TMX3: variants seen among roughly 807,000 people sequenced by gnomAD.
TMX3 encodes the protein thioredoxin related transmembrane protein 3.
Under a neutral mutation model 64.4 loss-of-function variants are expected in TMX3, and 40 were observed. The observed-to-expected ratio is 0.62, with a 90% confidence interval of 0.48 to 0.81. The LOEUF (loss-of-function observed/expected upper bound fraction) is 0.81. Among genes scored for constraint, TMX3 ranks in the 30% least tolerant of loss-of-function variants. The pLI is 0.00. For missense variants in TMX3, 497 were observed against 534.5 expected (o/e 0.93, Z 0.69); for synonymous variants, 189 against 175.7 (o/e 1.08, Z -0.60).
chr18:68,709,026 G>A (rs1169406395), intron 4 of TMX3, among the ~76,000 whole-genome samples: 1 of 152,032 alleles, frequency 6.6e-6, no homozygotes, highest in African/African-American at 2.4e-5. Context: ...TATACATTAC[G>A]TACTTCCACT....
intron 15 of TMX3, 141 bp downstream of exon 15, chr18:68,679,322 C>T: frequency 1.9e-6 from 1 of 514,202 alleles, no homozygotes; most frequent in South Asian, 4.3e-5. Context: ...AATATATTTT[C>T]TTAAATACTG....
Position 68,674,387 on chromosome 18 carries a change from A to G in TMX3, c.*2546T>C, listed in dbSNP as rs1352950641. Reference sequence around the variant, plus strand: ...AAATGTCCTTAAATATTGTCTGAGCACCAAATTCTGCAAAAGCAAGGATCT... The same window carrying G: ...AAATGTCCTTAAATATTGTCTGAGCGCCAAATTCTGCAAAAGCAAGGATCT... On this transcript the variant is annotated 3_prime_UTR_variant, in exon 16 of 16. Transcript: ENST00000299608. The G allele has an allele frequency of 1.3e-5, 2 of 152,162 alleles. No individual in the cohort carries two copies. Among genetic ancestry groups the G allele is most frequent in the Non-Finnish European group, 2.9e-5 (2 of 68,004 alleles). The allele number at this position is 152,162 out of a possible 1,614,324, so 9.4% of individuals were successfully genotyped here.
intron 2 of TMX3, among the ~76,000 whole-genome samples, chr18:68,712,819 G>C (rs547362558): frequency 1.3e-5 from 2 of 151,992 alleles, no homozygotes; most frequent in East Asian, 3.9e-4. Flanking sequence ...CATGAGCAGC[G>C]AAGTGCCCCC....
chr18:68,711,976 C>A (rs763050240), intron 2 of TMX3, among the ~76,000 whole-genome samples: 15 of 152,182 alleles, frequency 9.9e-5, no homozygotes, highest in Non-Finnish European at 1.8e-4. Context: ...CTTTAACTGT[C>A]CCTTAAAATG....
chr18:68,681,997 G>C (rs1373299320), intron 13 of TMX3, among the ~76,000 whole-genome samples: 1 of 152,052 alleles, frequency 6.6e-6, no homozygotes, highest in Non-Finnish European at 1.5e-5. Flanking sequence ...CTTAATTATT[G>C]CCTCTTCCGG....
chr18:68,687,632 G>A (rs770168306), intron 10 of TMX3, 35 bp downstream of exon 10: 11 of 1,560,592 alleles, frequency 7.0e-6, no homozygotes, highest in Non-Finnish European at 9.5e-6. Flanking sequence ...GAAAAATCAT[G>A]TAACATAATG....
rs1400630121 is a variant in TMX3 at position 68,711,470 on chromosome 18, C to G, written c.102-67G>C. On this transcript the variant is annotated intron_variant, in intron 2 of 15. Coordinates refer to ENST00000299608, the MANE Select transcript of TMX3 (RefSeq NM_019022.5). ...CCACTTTACAACTGTATAGTATAGG[C>G]AGAGATAATACATTGATAAATATAA... 3 of 1,105,712 alleles carry G rather than the reference C, an allele frequency of 2.7e-6. No homozygotes were observed. In the African/African-American group the frequency reaches 4.8e-5, roughly 18 times the overall value. The allele number at this position is 1,105,712 out of a possible 1,614,324, so 68.5% of individuals were successfully genotyped here. A position where few individuals can be genotyped will look rare whatever the true frequency, so the allele number is the denominator to read the frequency against.
chr18:68,700,536 AT>A (rs779581414), intron 5 of TMX3, 51 bp from the exon 6 acceptor site: 45 of 1,288,620 alleles, frequency 3.5e-5, no homozygotes, highest in Non-Finnish European at 4.6e-5. Flanking sequence ...CAGTTTTAAT[AT>A]TTAATGTTAA....
At chr18:68,709,841 C>T (rs79863682) in intron 4 of TMX3, among the ~76,000 whole-genome samples, 180 bp downstream of exon 4, 8 of 151,904 alleles carry the variant, frequency 5.3e-5, no homozygotes, top group African/African-American at 1.9e-4. Context: ...GATTAACACA[C>T]ACTACACGCT....
At chr18:68,701,836 G>A (rs1185359832) in intron 4 of TMX3, 46 bp from the exon 5 acceptor site, 4 of 1,485,254 alleles carry the variant, frequency 2.7e-6, no homozygotes, top group Admixed American at 1.8e-5. Flanking sequence ...TTTTAAATAT[G>A]AGAAACTAGG....
chr18:68,701,455 T>C (rs181554927), intron 5 of TMX3, among the ~76,000 whole-genome samples: 31 of 152,246 alleles, frequency 2.0e-4, no homozygotes, highest in African/African-American at 6.5e-4. Flanking sequence ...ACACTTGAAC[T>C]CCTCAAGGGT....
At chr18:68,684,269 G>T (rs1304798510) in intron 11 of TMX3, 26 bp from the exon 12 acceptor site, 20 of 1,587,484 alleles carry the variant, frequency 1.3e-5, no homozygotes, top group Non-Finnish European at 1.7e-5. Context: ...CATATGAATA[G>T]TTCATCTCTG....
chr18:68,709,374 G>A (rs2031034615), intron 4 of TMX3, among the ~76,000 whole-genome samples: 1 of 152,072 alleles, frequency 6.6e-6, no homozygotes. Context: ...TAGGCTTTCT[G>A]GGGCATACAG....
Position 68,680,874 on chromosome 18 carries a change from C to T in TMX3, c.1035+107G>A, listed in dbSNP as rs1913354574. 8 of 1,149,720 alleles carry T rather than the reference C, an allele frequency of 7.0e-6. No individual in the cohort carries two copies. In the East Asian group the frequency reaches 1.9e-4, roughly 27 times the overall value. The allele number at this position is 1,149,720 out of a possible 1,614,324, so 71.2% of individuals were successfully genotyped here. A position where few individuals can be genotyped will look rare whatever the true frequency, so the allele number is the denominator to read the frequency against. On this transcript the variant is annotated intron_variant, in intron 14 of 15. Coordinates refer to ENST00000299608, the MANE Select transcript of TMX3 (RefSeq NM_019022.5). ...ATGTATGGAGGTCCAGCCCTCTACTCCGGGTGATGGCCAACTATTCTTTTC... is the reference window on the plus strand; with the variant it reads ...ATGTATGGAGGTCCAGCCCTCTACTTCGGGTGATGGCCAACTATTCTTTTC...
chr18:68,698,444 T>C (rs1298534524), intron 6 of TMX3, among the ~76,000 whole-genome samples: 2 of 152,138 alleles, frequency 1.3e-5, no homozygotes, highest in Non-Finnish European at 2.9e-5. Context: ...CCCAGGAATA[T>C]ACAGTACTTC....
chr18:68,713,815 T>C, intron 2 of TMX3, 31 bp downstream of exon 2: 1 of 1,156,540 alleles, frequency 8.6e-7, no homozygotes. Context: ...ACAGTTAAAA[T>C]AATATTTTAA....
chr18:68,697,110 A>G (rs2145079439), intron 8 of TMX3, 116 bp downstream of exon 8: 1 of 614,390 alleles, frequency 1.6e-6, no homozygotes, highest in Middle Eastern at 4.6e-4. Context: ...CAGTAAATAA[A>G]TCTGATATTA....
chr18:68,700,906 T>C, intron 5 of TMX3: 1 of 985,018 alleles, frequency 1.0e-6, no homozygotes, highest in Non-Finnish European at 1.2e-6. Context: ...TGACAGTTAC[T>C]TGATGCTCCA....
At chr18:68,696,711 G>A (rs529772320) in intron 8 of TMX3, among the ~76,000 whole-genome samples, 5 of 149,954 alleles carry the variant, frequency 3.3e-5, no homozygotes, top group South Asian at 2.1e-4. Context: ...TCCTGACCTC[G>A]GGTGATCTAC....
Sources: gnomAD v4.1 joint callset for allele counts (sites outside exome capture counted in the v4.1 genomes callset) on GRCh38, gnomAD v4.1.1 for gene constraint, MANE v1.5 for transcripts, NCBI Gene and HGNC (gene_info 2026-07-23, HGNC 2026-07-21) for gene names.